Variants in TBX4 observed in about 807,000 individuals in gnomAD.
TBX4 encodes the protein T-box transcription factor TBX4.
A neutral mutation model predicts 54.6 loss-of-function variants in TBX4; 13 were observed. That is an observed-to-expected ratio of 0.24 (90% CI 0.15 to 0.38). The LOEUF (loss-of-function observed/expected upper bound fraction) is 0.38. Among genes scored for constraint, TBX4 ranks in the 10% least tolerant of loss-of-function variants. The pLI is 1.00. For missense variants in TBX4, 631 were observed against 728.5 expected, an observed-to-expected ratio of 0.87 and a Z score of 1.54; for synonymous variants, 314 against 306.7, an observed-to-expected ratio of 1.02 and a Z score of -0.25.
rs2060488584 is a variant in TBX4 at position 61,460,677 on chromosome 17, T to G, written c.281+3046T>G. The stretch of plus-strand genomic sequence containing the variant: ...GGCCTCCCCACATCCCTGCCAAGCT[T>G]GATACATGTGAGAAACTGCATTTTC... On this transcript the variant is annotated intron_variant, in intron 3 of 8. Transcript: ENST00000644296. The surrounding 1 kb of genome is among the most constrained non-coding windows in gnomAD (Gnocchi z 4.4). 6.6e-6 allele frequency among the ~76,000 whole-genome samples: 1 copy of G among 152,086 alleles called. No homozygotes were observed. The highest frequency in any genetic ancestry group is 1.5e-5 in the Non-Finnish European group (1 of 68,018).
At chr17:61,469,004 C>CA (rs1569038578) in intron 5 of TBX4, among the ~76,000 whole-genome samples, 2 of 152,152 alleles carry the variant, frequency 1.3e-5, no homozygotes, top group Non-Finnish European at 2.9e-5. Context: ...TGGCCCACGA[C>CA]GGCACACACA....
At chr17:61,453,350 G>A (rs996674980) in intron 1 of TBX4, among the ~76,000 whole-genome samples, 1 of 152,120 alleles carries the variant, frequency 6.6e-6, no homozygotes, top group African/African-American at 2.4e-5. Flanking sequence ...CGAACTGTAG[G>A]AGAAAGATGA....
rs2060658811 is a variant in TBX4 at position 61,480,867 on chromosome 17, T to C, written c.1021+548T>C. Among the ~76,000 whole-genome samples the C allele has an allele frequency of 6.6e-6, 1 of 152,220 alleles. No individual in the cohort carries two copies. The highest frequency in any genetic ancestry group is 6.5e-5 in the Admixed American group (1 of 15,282). ...GGAAGACAAGCCACAGCACCCTCTG[T>C]GCCAGGCCTCTTCGTAAAGAGGAGG... On this transcript the variant is annotated intron_variant, in intron 8 of 8. Coordinates refer to ENST00000644296, the MANE Select transcript of TBX4 (RefSeq NM_001321120.2). This position sits in a 1 kb window ranked among gnomAD's most constrained non-coding sequence, Gnocchi z 6.2.
rs2060457487 is a variant in TBX4 at position 61,457,165 on chromosome 17, C to G, written c.187-372C>G. ...CCGCCTGGGGATCTGTGTGCACTAT[C>G]TGCAGGCGCGCGCCTGGCCGAGGGT... is the stretch of plus-strand genomic sequence containing the variant. On this transcript the variant is annotated intron_variant, in intron 2 of 8. Transcript: ENST00000644296. This position sits in a 1 kb window ranked among gnomAD's most constrained non-coding sequence, Gnocchi z 8.2. Among the ~76,000 whole-genome samples the G allele has an allele frequency of 6.6e-6, 1 of 152,118 alleles. No homozygotes were observed. The highest frequency in any genetic ancestry group is 1.5e-5 in the Non-Finnish European group (1 of 68,006).
At chr17:61,470,493 A>T (rs1037819174) in intron 5 of TBX4, among the ~76,000 whole-genome samples, 1 of 152,274 alleles carries the variant, frequency 6.6e-6, no homozygotes, top group African/African-American at 2.4e-5. Context: ...AGAACCTCCT[A>T]AAAGGACTGA....
At chr17:61,468,134 CTT>C (rs559923701) in intron 5 of TBX4, among the ~76,000 whole-genome samples, 9 of 152,366 alleles carry the variant, frequency 5.9e-5, no homozygotes, top group African/African-American at 1.9e-4. Context: ...CAAAGCCCCT[CTT>C]TGGTGTGTAC....
chr17:61,455,367 C>A (rs557367814), intron 1 of TBX4, among the ~76,000 whole-genome samples: 4 of 152,320 alleles, frequency 2.6e-5, no homozygotes, highest in African/African-American at 9.6e-5. Context: ...GTCAGACCTA[C>A]AGAAAGCTCC....
chr17:61,468,420 C>G (rs1056813376), intron 5 of TBX4, among the ~76,000 whole-genome samples: 3 of 152,182 alleles, frequency 2.0e-5, no homozygotes, highest in Non-Finnish European at 2.9e-5. Context: ...GGGCACAGGC[C>G]CCTCCCCTCG....
In TBX4 at chr17:61,475,649, T is replaced by C. The variant is rs925521268; in HGVS notation, c.550-2978T>C. 1.3e-5 allele frequency among the ~76,000 whole-genome samples: 2 copies of C among 152,058 alleles called. No individual in the cohort carries two copies. Among genetic ancestry groups the C allele is most frequent in the African/African-American group, 4.8e-5 (2 of 41,406 alleles). ...CAGTGAGGAGGAGGGGAGTTGATGA[T>C]GATACCCAGGGCTTTGACGAGCCCA... On this transcript the variant is annotated intron_variant, in intron 5 of 8. Transcript: ENST00000644296. This position sits in a 1 kb window ranked among gnomAD's most constrained non-coding sequence, Gnocchi z 5.0.
At position 61,481,371 on chromosome 17, in the gene TBX4, G is replaced by A. The variant is rs2060662174; in HGVS notation, c.1021+1052G>A. On this transcript the variant is annotated intron_variant, in intron 8 of 8. Coordinates refer to ENST00000644296, the MANE Select transcript of TBX4 (RefSeq NM_001321120.2). This position sits in a 1 kb window ranked among gnomAD's most constrained non-coding sequence, Gnocchi z 4.8. ...GGTACAACGGCAGAGTTTCGTAGTT[G>A]CAACAGATACCCTGCGGCCCACAAA... 6.6e-6 allele frequency: 1 copy of A among 152,178 alleles called. No homozygotes were observed. The highest frequency in any genetic ancestry group is 2.4e-5 in the African/African-American group (1 of 41,436). The allele number at this position is 152,178 out of a possible 1,614,324, so 9.4% of individuals were successfully genotyped here.
rs563392407 is a variant in TBX4, at chr17:61,484,773, C to T, written c.*1257C>T. On this transcript the variant is annotated 3_prime_UTR_variant, in exon 9 of 9. Coordinates refer to ENST00000644296, the MANE Select transcript of TBX4 (RefSeq NM_001321120.2). This position sits in a 1 kb window ranked among gnomAD's most constrained non-coding sequence, Gnocchi z 4.1. ...ATAAATAAATATATATATTATATAT[C>T]GCTCTCTCTCACAAATGCAGGCCAC... 9 of 147,974 alleles carry T rather than the reference C, an allele frequency of 6.1e-5. No individual in the cohort carries two copies. In the South Asian group the frequency reaches 1.7e-3, roughly 28 times the overall value. The allele number at this position is 147,974 out of a possible 1,614,324, so 9.2% of individuals were successfully genotyped here.
Position 61,457,605 on chromosome 17 carries a change from C to A in TBX4, c.255C>A (p.Thr85=), listed in dbSNP as rs779655731. ...GGAAGAAGTTCCACGAGGCGGGCAC[C>A]GAGATGATCATCACTAAGGCTGGCA... ...ELWKKFHEAG[T]EMIITKAGRR... Residue 85 remains threonine, a synonymous_variant, in exon 3 of 9, where the codon ACC becomes ACA. Coordinates refer to ENST00000644296, the MANE Select transcript of TBX4 (RefSeq NM_001321120.2). The surrounding 1 kb of genome is among the most constrained non-coding windows in gnomAD (Gnocchi z 8.2). 1.2e-6 allele frequency: 2 copies of A among 1,613,950 alleles called. No individual in the cohort carries two copies. Among genetic ancestry groups the A allele is most frequent in the Non-Finnish European group, 1.7e-6 (2 of 1,179,978 alleles).
At chr17:61,452,890 C>A in intron 1 of TBX4, 1 of 982,940 alleles carries the variant, frequency 1.0e-6, no homozygotes, top group Non-Finnish European at 1.2e-6. Flanking sequence ...AGAACAAGGC[C>A]GTGACAGGCG....
At position 61,465,807 on chromosome 17, in the gene TBX4, C is replaced by T. The variant is rs537708345; in HGVS notation, c.282-12C>T. On this transcript the variant is annotated splice_polypyrimidine_tract_variant and intron_variant, in intron 3 of 8. Coordinates refer to ENST00000644296, the MANE Select transcript of TBX4 (RefSeq NM_001321120.2). The surrounding 1 kb of genome is among the most constrained non-coding windows in gnomAD (Gnocchi z 4.9). The stretch of plus-strand genomic sequence containing the variant: ...TGTCCACACGCTCCGCCTCACCCCT[C>T]GGCTCCCCCAGGAGGATGTTCCCCA... 2.7e-5 allele frequency: 44 copies of T among 1,613,818 alleles called. No individual in the cohort carries two copies. The highest frequency in any genetic ancestry group is 5.5e-5 in the South Asian group (5 of 91,070).
At position 61,460,665 on chromosome 17, in the gene TBX4, C is replaced by T. The variant is rs889692246; in HGVS notation, c.281+3034C>T. ...GATCCCTCTCTTGGCCTCCCCACAT[C>T]CCTGCCAAGCTTGATACATGTGAGA... On this transcript the variant is annotated intron_variant, in intron 3 of 8. Coordinates refer to ENST00000644296, the MANE Select transcript of TBX4 (RefSeq NM_001321120.2). This position sits in a 1 kb window ranked among gnomAD's most constrained non-coding sequence, Gnocchi z 4.4. Among the ~76,000 whole-genome samples the T allele has an allele frequency of 1.3e-5, 2 of 152,176 alleles. No individual in the cohort carries two copies. The highest frequency in any genetic ancestry group is 4.8e-5 in the African/African-American group (2 of 41,434).
rs1476690769 is a variant in TBX4, at chr17:61,460,256, C to T, written c.281+2625C>T. On this transcript the variant is annotated intron_variant, in intron 3 of 8. Coordinates refer to ENST00000644296, the MANE Select transcript of TBX4 (RefSeq NM_001321120.2). This position sits in a 1 kb window ranked among gnomAD's most constrained non-coding sequence, Gnocchi z 4.4. ...GTCCTATTCAGTGTGGATTGTGGCT[C>T]TGCCCTAGAGACCCTGGCTGATTAG... The T allele has an allele frequency of 6.6e-6, 1 of 152,222 alleles. No individual in the cohort carries two copies. Among genetic ancestry groups the T allele is most frequent in the Non-Finnish European group, 1.5e-5 (1 of 68,080 alleles). 9.4% of individuals were successfully genotyped at this position (152,222 alleles called of 1,614,324 possible).
At position 61,480,601 on chromosome 17, in the gene TBX4, T is replaced by G. The variant is rs2060657264; in HGVS notation, c.1021+282T>G. ...CACCTTTCCAAGTGTTGCTTTGCAG[T>G]CACTGCTCTGAGAGCCTCGTGGGGT... On this transcript the variant is annotated intron_variant, in intron 8 of 8. Coordinates refer to ENST00000644296, the MANE Select transcript of TBX4 (RefSeq NM_001321120.2). The surrounding 1 kb of genome is among the most constrained non-coding windows in gnomAD (Gnocchi z 6.2). Among the ~76,000 whole-genome samples the G allele has an allele frequency of 6.6e-6, 1 of 152,216 alleles. No homozygotes were observed. The highest frequency in any genetic ancestry group is 1.5e-5 in the Non-Finnish European group (1 of 68,040).
In TBX4 at chr17:61,474,959, G is replaced by T. The variant is rs959017570; in HGVS notation, c.550-3668G>T. On this transcript the variant is annotated intron_variant, in intron 5 of 8. Transcript: ENST00000644296. This position sits in a 1 kb window ranked among gnomAD's most constrained non-coding sequence, Gnocchi z 4.6. ...CAGAAGGGGTGTTTGGGACCACTTA[G>T]TCAAAGGCCCCACTTCATAGATGGG... is the stretch of plus-strand genomic sequence containing the variant. 1.3e-5 allele frequency among the ~76,000 whole-genome samples: 2 copies of T among 152,214 alleles called. No homozygotes were observed. The highest frequency in any genetic ancestry group is 4.8e-5 in the African/African-American group (2 of 41,462).
At chr17:61,473,431 G>A (rs1006536921) in intron 5 of TBX4, among the ~76,000 whole-genome samples, 2 of 152,264 alleles carry the variant, frequency 1.3e-5, no homozygotes, top group Admixed American at 6.5e-5. Flanking sequence ...AACTCCTGAA[G>A]GGGGTGGTAA....
Sources: gnomAD v4.1 joint callset for allele counts (sites outside exome capture counted in the v4.1 genomes callset) on GRCh38, gnomAD v4.1.1 for gene constraint, Gnocchi (gnomAD v3.1) non-coding constraint, MANE v1.5 for transcripts, NCBI Gene and HGNC (gene_info 2026-07-23, HGNC 2026-07-21) for gene names.